ALS2: variants seen among roughly 807,000 people sequenced by gnomAD.
ALS2 encodes alsin Rho guanine nucleotide exchange factor ALS2.
Under a neutral mutation model 203.4 loss-of-function variants are expected in ALS2, and 117 were observed. The observed-to-expected ratio is 0.58, with a 90% CI of 0.50 to 0.67. The LOEUF is 0.67. Ranked by LOEUF, ALS2 falls within the 30% of genes least tolerant of loss-of-function variation. The pLI is 0.00. For missense variants in ALS2, 1,715 were observed against 1,989.4 expected (o/e 0.86, Z 2.62); for synonymous variants, 718 against 725.9 (o/e 0.99, Z 0.17).
chr2:201,717,535 T>C (rs1690483227), intron 24 of ALS2, among the ~76,000 whole-genome samples: 1 of 150,806 alleles, frequency 6.6e-6, no homozygotes, highest in African/African-American at 2.4e-5. Context: ...TAAACATCCA[T>C]GCTTTAAGGC....
chr2:201,758,215 T>A (rs565968849), intron 4 of ALS2, among the ~76,000 whole-genome samples: 1 of 152,132 alleles, frequency 6.6e-6, no homozygotes, highest in East Asian at 1.9e-4. Context: ...AGGAAAAAAA[T>A]TAGATTTTAT....
At chr2:201,704,312 A>G in intron 32 of ALS2, 94 bp from the exon 33 acceptor site, 1 of 1,483,114 alleles carries the variant, frequency 6.7e-7, no homozygotes, top group Non-Finnish European at 9.4e-7. Flanking sequence ...GAACAGCTCA[A>G]TAAAAGGGTA....
intron 23 of ALS2, among the ~76,000 whole-genome samples, chr2:201,719,446 G>A (rs142720825): frequency 3.9e-4 from 59 of 152,180 alleles, no homozygotes; most frequent in South Asian, 2.1e-3. Context: ...AAAATTAGCT[G>A]GGCACGGTGG....
chr2:201,732,428 T>C (rs984361539), intron 13 of ALS2, among the ~76,000 whole-genome samples: 4 of 147,032 alleles, frequency 2.7e-5, no homozygotes, highest in African/African-American at 7.5e-5. Context: ...AAGTAGCCGG[T>C]GTTGTGGTAC....
At chr2:201,774,721 A>C (rs1177275452) in intron 1 of ALS2, among the ~76,000 whole-genome samples, 1 of 152,198 alleles carries the variant, frequency 6.6e-6, no homozygotes, top group African/African-American at 2.4e-5. Flanking sequence ...CAAATGCTTA[A>C]ATTTCAACCA....
At chr2:201,745,810 G>A (rs1055022430) in intron 9 of ALS2, among the ~76,000 whole-genome samples, 2 of 152,100 alleles carry the variant, frequency 1.3e-5, no homozygotes, top group East Asian at 1.9e-4. Flanking sequence ...TTAGCTGGGC[G>A]TGGTGGTGGG....
chr2:201,714,259 G>A (rs1019394695), intron 25 of ALS2, among the ~76,000 whole-genome samples: 15 of 152,208 alleles, frequency 9.9e-5, no homozygotes, highest in African/African-American at 3.6e-4. Flanking sequence ...GATTTATGGT[G>A]AACATCTGCT....
At chr2:201,750,031 T>A (rs992167980) in intron 7 of ALS2, among the ~76,000 whole-genome samples, 1 of 152,062 alleles carries the variant, frequency 6.6e-6, no homozygotes. Flanking sequence ...CTGGGCATGG[T>A]GGTGCATGCC....
intron 7 of ALS2, among the ~76,000 whole-genome samples, chr2:201,752,383 A>C (rs1693119677): frequency 6.6e-6 from 1 of 152,086 alleles, no homozygotes; most frequent in Admixed American, 6.6e-5. Context: ...TAAAGCCAGT[A>C]ATTTTTATTT....
At chr2:201,769,655 AAGAG>A (rs1277247763) in intron 1 of ALS2, among the ~76,000 whole-genome samples, 1 of 152,268 alleles carries the variant, frequency 6.6e-6, no homozygotes, top group African/African-American at 2.4e-5. Context: ...TTAATAAAAT[AAGAG>A]ATAGAAAAAT....
rs1236741455 is a variant in ALS2 at position 201,780,888 on chromosome 2, C to A, written c.-72G>T. The stretch of plus-strand genomic sequence containing the variant: ...CCACACTCGCTCACCTGAAGCTCCA[C>A]CGGCAGCACCGCGCTCCGCATCCGG... On this transcript the variant is annotated 5_prime_UTR_variant, in exon 1 of 34. Transcript: ENST00000264276. The A allele has an allele frequency of 6.5e-6, 1 of 152,722 alleles. No homozygotes were observed. Among genetic ancestry groups the A allele is most frequent in the East Asian group, 1.9e-4 (1 of 5,196 alleles). The allele number at this position is 152,722 out of a possible 1,614,324, so 9.5% of individuals were successfully genotyped here.
At chr2:201,702,101 T>A (rs1689424280) in intron 33 of ALS2, among the ~76,000 whole-genome samples, 1 of 149,378 alleles carries the variant, frequency 6.7e-6, no homozygotes. Flanking sequence ...TAGACAAAAT[T>A]TTTTCATTTC....
In ALS2 at chr2:201,704,171, T is replaced by C. The variant is rs761983607; in HGVS notation, c.4886A>G (p.Asp1629Gly). The C allele has an allele frequency of 2.2e-5, 35 of 1,613,968 alleles. No homozygotes were observed. The highest frequency in any genetic ancestry group is 4.4e-5 in the South Asian group (4 of 91,082). Residue 1629 changes from aspartate to glycine, a missense_variant, in exon 33 of 34, where the codon GAC (aspartate) becomes GGC (glycine). Physicochemically the swap from Asp to Gly is moderately conservative, Grantham distance 94. Around this residue, in one of 3 missense-constraint regions of ALS2, gnomAD observed 1,227 missense variants for 1,413.5 expected, o/e 0.87. Transcript: ENST00000264276. ...SEVHLIEDLM[D>G]PYLQHGEQGI... is the part of the protein sequence containing the mutation. ...CTGTTCCCCATGCTGAAGATAGGGG[T>C]CCATTAGATCCTCAATGAGGTGTAC...
chr2:201,749,898 C>T, intron 7 of ALS2, 109 bp from the exon 8 acceptor site: 1 of 824,136 alleles, frequency 1.2e-6, no homozygotes, highest in Non-Finnish European at 2.1e-6. Context: ...AACAATTATA[C>T]ATTAAGTACT....
chr2:201,776,754 TAACTA>T, intron 1 of ALS2, among the ~76,000 whole-genome samples: 1 of 152,336 alleles, frequency 6.6e-6, no homozygotes, highest in East Asian at 1.9e-4. Flanking sequence ...AGGGGCCACA[TAACTA>T]AACAGGAAAT....
At chr2:201,720,956 A>G (rs1352843374) in intron 23 of ALS2, among the ~76,000 whole-genome samples, 1 of 152,018 alleles carries the variant, frequency 6.6e-6, no homozygotes, top group Non-Finnish European at 1.5e-5. Context: ...ATCCACACAC[A>G]AAAAAAACCA....
intron 25 of ALS2, among the ~76,000 whole-genome samples, chr2:201,714,324 G>C (rs1406081403): frequency 1.3e-5 from 2 of 152,192 alleles, no homozygotes; most frequent in African/African-American, 2.4e-5. Flanking sequence ...GGGTGCCTAT[G>C]TGACCCGCCC....
At position 201,776,608 on chromosome 2, in the gene ALS2, A is replaced by G. The variant is rs1210254202; in HGVS notation, c.-61+4269T>C. On this transcript the variant is annotated intron_variant, in intron 1 of 33. Coordinates refer to ENST00000264276, the MANE Select transcript of ALS2 (RefSeq NM_020919.4). Reference sequence around the variant, plus strand: ...TGAATGTCCTGGTAAGTCCTGACACAAACTACTTATTCCGTTAATATTTGC... The same window carrying G: ...TGAATGTCCTGGTAAGTCCTGACACGAACTACTTATTCCGTTAATATTTGC... Among the ~76,000 whole-genome samples the G allele has an allele frequency of 2.6e-5, 4 of 152,180 alleles. No homozygotes were observed. The East Asian group carries it at 7.7e-4, about 29-fold the overall frequency.
intron 19 of ALS2, among the ~76,000 whole-genome samples, chr2:201,725,682 A>G (rs1691120864): frequency 6.6e-6 from 1 of 152,156 alleles, no homozygotes; most frequent in Non-Finnish European, 1.5e-5. Flanking sequence ...GTTTTAATCC[A>G]ACTCCAGTGA....
Sources: gnomAD v4.1 joint callset for allele counts (sites outside exome capture counted in the v4.1 genomes callset) on GRCh38, gnomAD v4.1.1 for gene constraint, gnomAD v4.1.1 regional missense constraint, MANE v1.5 for transcripts, NCBI Gene and HGNC (gene_info 2026-07-23, HGNC 2026-07-21) for gene names.